MAN2B1: variants seen among roughly 807,000 people sequenced by gnomAD.
MAN2B1 encodes lysosomal alpha-mannosidase.
In MAN2B1, 99 loss-of-function variants were observed where a neutral mutation model predicts 127.5. The ratio of observed to expected loss-of-function variants is 0.78; its 90% CI spans 0.66 to 0.92. MAN2B1 has a LOEUF of 0.92. MAN2B1 is among the 40% of genes least tolerant of loss of function. The pLI is 0.00. For synonymous variants in MAN2B1, 573 were observed against 568.8 expected, an observed-to-expected ratio of 1.01 and a Z score of -0.11; for missense variants, 1,304 against 1,384.8, an observed-to-expected ratio of 0.94 and a Z score of 0.93.
chr19:12,658,239 G>C lies in MAN2B1; in HGVS notation c.1215C>G (p.Ser405Arg). The C allele has an allele frequency of 1.2e-6, 2 of 1,614,118 alleles. No individual in the cohort carries two copies. The highest frequency in any genetic ancestry group is 1.7e-6 in the Non-Finnish European group (2 of 1,180,022). The change falls in exon 9 of 24, where the codon AGC becomes AGG. Residue 405 changes from serine to arginine, a missense_variant. Transcript: ENST00000456935. ...RPALKRYERL[S>R]YNFLQVCNQL... is the part of the protein sequence containing the mutation. ...TCCTACCCACCTGCAGGAAGTTGTAGCTGAGGCGCTCGTAGCGTTTGAGGG... is the reference window on the plus strand; with the variant it reads ...TCCTACCCACCTGCAGGAAGTTGTACCTGAGGCGCTCGTAGCGTTTGAGGG...
At chr19:12,651,389 G>T (rs1270308278) in intron 16 of MAN2B1, among the ~76,000 whole-genome samples, 3 of 152,106 alleles carry the variant, frequency 2.0e-5, no homozygotes, top group Non-Finnish European at 2.9e-5. Flanking sequence ...TGGACCATGA[G>T]GTGGAAACTG....
rs1445197546 is a variant in MAN2B1 at position 12,648,404 on chromosome 19, T to C, written c.2437-2A>G. On this transcript the variant is annotated splice_acceptor_variant, in intron 20 of 23. Transcript: ENST00000456935. LOFTEE classifies it high-confidence loss of function. Reference sequence around the variant, plus strand: ...GTCCTTCAGCAGCCTTCGGTGCACCTGGGGGGAGAGTGGCCAGGAGGGGGT... The same window carrying C: ...GTCCTTCAGCAGCCTTCGGTGCACCCGGGGGGAGAGTGGCCAGGAGGGGGT... 2 of 1,608,284 alleles carry C rather than the reference T, an allele frequency of 1.2e-6. No homozygotes were observed. Among genetic ancestry groups the C allele is most frequent in the South Asian group, 1.1e-5 (1 of 90,866 alleles).
In MAN2B1 at chr19:12,666,707, A is replaced by T; in HGVS notation, c.-6T>A. 1.3e-6 allele frequency: 2 copies of T among 1,548,202 alleles called. No individual in the cohort carries two copies. Among genetic ancestry groups the T allele is most frequent in the Non-Finnish European group, 1.7e-6 (2 of 1,146,494 alleles). ...GCCCGCGCGTAGGCGCCCATGGCTC[A>T]GCAGCTTCCTCCTGGGGTTCCCCGG... On this transcript the variant is annotated 5_prime_UTR_variant, in exon 1 of 24. Transcript: ENST00000456935.
At position 12,663,765 on chromosome 19, in the gene MAN2B1, T is replaced by A; in HGVS notation, c.701A>T (p.Glu234Val). ...QDKWVRMQKL[E>V]MEQVWRASTS... ...GCTGGCCCGCCACACCTGCTCCATC[T>A]CCAGCTTCTGCATCCGTACCCACTT... is the stretch of plus-strand genomic sequence containing the variant. Residue 234 changes from glutamate to valine, a missense_variant, in exon 5 of 24, where the codon GAG becomes GTG. Coordinates refer to ENST00000456935, the MANE Select transcript of MAN2B1 (RefSeq NM_000528.4). The A allele has an allele frequency of 6.2e-7, 1 of 1,614,130 alleles. No homozygotes were observed. Among genetic ancestry groups the A allele is most frequent in the African/African-American group, 1.3e-5 (1 of 75,036 alleles).
Position 12,647,111 on chromosome 19 carries a change from T to A in MAN2B1, c.2923+122A>T. On this transcript the variant is annotated intron_variant, in intron 23 of 23. Transcript: ENST00000456935. This position sits in a 1 kb window ranked among gnomAD's most constrained non-coding sequence, Gnocchi z 4.9. ...TTAAGCCCCTAACCTGGGTCTGGAC[T>A]CTGCCCCATACCCTCATGACCTTTT... 1 of 930,360 alleles carries A rather than the reference T, an allele frequency of 1.1e-6. No homozygotes were observed. The allele number at this position is 930,360 out of a possible 1,614,324, so 57.6% of individuals were successfully genotyped here.
At chr19:12,654,263 C>T (rs1174609536) in intron 14 of MAN2B1, among the ~76,000 whole-genome samples, 8 of 152,030 alleles carry the variant, frequency 5.3e-5, no homozygotes, top group Non-Finnish European at 1.2e-4. Flanking sequence ...AGGATGGTCT[C>T]CATCTCCTGA....
intron 7 of MAN2B1, 90 bp downstream of exon 7, chr19:12,661,170 A>C (rs2024093361): frequency 4.6e-6 from 4 of 878,276 alleles, no homozygotes; most frequent in African/African-American, 1.7e-5. Flanking sequence ...ATAGAAAACA[A>C]AGACAGCACT....
At chr19:12,653,398 C>T (rs1330363925) in intron 14 of MAN2B1, among the ~76,000 whole-genome samples, 1 of 148,008 alleles carries the variant, frequency 6.8e-6, no homozygotes, top group Non-Finnish European at 1.5e-5. Flanking sequence ...ACCCCCCCCT[C>T]AGCCTCCCAA....
In MAN2B1 at chr19:12,657,072, A is replaced by G; in HGVS notation, c.1420-16T>C. 6.6e-7 allele frequency: 1 copy of G among 1,526,316 alleles called. No homozygotes were observed. Among genetic ancestry groups the G allele is most frequent in the Non-Finnish European group, 9.0e-7 (1 of 1,109,940 alleles). The allele number at this position is 1,526,316 out of a possible 1,614,324, so 94.5% of individuals were successfully genotyped here. On this transcript the variant is annotated splice_polypyrimidine_tract_variant and intron_variant, in intron 11 of 23. Transcript: ENST00000456935. ...TCAGAAGAACCTGCGGAAGAGCGCA[A>G]AGGGACCGGTGGGTTCAGGACGCCA...
At chr19:12,664,723 G>A (rs2024184589) in intron 4 of MAN2B1, 69 bp downstream of exon 4, 2 of 1,479,034 alleles carry the variant, frequency 1.4e-6, no homozygotes, top group African/African-American at 1.4e-5. Flanking sequence ...GAGAGGGCGG[G>A]GTTTGACTGG....
At chr19:12,658,957 C>T (rs967661639) in intron 7 of MAN2B1, 15 of 271,582 alleles carry the variant, frequency 5.5e-5, no homozygotes, top group Middle Eastern at 1.4e-3. Context: ...CTTGGGTTCA[C>T]GCCATTCTCC....
Position 12,655,785 on chromosome 19 carries a change from A to G in MAN2B1, c.1739T>C (p.Val580Ala). 1.2e-6 allele frequency: 2 copies of G among 1,610,958 alleles called. No individual in the cohort carries two copies. The highest frequency in any genetic ancestry group is 1.7e-6 in the Non-Finnish European group (2 of 1,177,526). Residue 580 changes from valine to alanine, a missense_variant, in exon 14 of 24, where the codon GTA becomes GCA. Coordinates refer to ENST00000456935, the MANE Select transcript of MAN2B1 (RefSeq NM_000528.4). ...GGGCTTCCAGCGAGGCACCTGGGCTACTGAATAGGTGCTGAAGCCCAGGGC... is the reference window on the plus strand; with the variant it reads ...GGGCTTCCAGCGAGGCACCTGGGCTGCTGAATAGGTGCTGAAGCCCAGGGC... The part of the protein sequence containing the change: ...LPALGFSTYS[V>A]AQVPRWKPQA...
chr19:12,647,549 A>G lies in MAN2B1; in HGVS notation c.2714T>C (p.Leu905Pro). Residue 905 changes from leucine to proline, a missense_variant, in exon 22 of 24, where the codon CTG becomes CCG. Physicochemically the swap from Leu to Pro is moderately conservative, Grantham distance 98 (BLOSUM62 -3). Coordinates refer to ENST00000456935, the MANE Select transcript of MAN2B1 (RefSeq NM_000528.4). This position sits in a 1 kb window ranked among gnomAD's most constrained non-coding sequence, Gnocchi z 4.9. ...CACCATTTCGGGGCCCCAGCTGGCCAGCGTGAGCAGGTGCACCGAGGGCGG... is the reference window on the plus strand; with the variant it reads ...CACCATTTCGGGGCCCCAGCTGGCCGGCGTGAGCAGGTGCACCGAGGGCGG... ...DLPPSVHLLT[L>P]ASWGPEMVLL... 6.2e-7 allele frequency: 1 copy of G among 1,614,144 alleles called. No homozygotes were observed. The highest frequency in any genetic ancestry group is 1.1e-5 in the South Asian group (1 of 91,082).
rs375081677 is a variant in MAN2B1 at position 12,657,435 on chromosome 19, G to T, written c.1419+11C>A. 218 of 1,546,558 alleles carry T rather than the reference G, an allele frequency of 1.4e-4. No homozygotes were observed. The highest frequency in any genetic ancestry group is 1.8e-4 in the Non-Finnish European group (207 of 1,145,546). On this transcript the variant is annotated intron_variant, in intron 11 of 23. Transcript: ENST00000456935. Reference sequence around the variant, plus strand: ...TCCACCCCCGTGTCTCCCAAGTCTCGCCCCGCGCACCTCGCAAGGCCCCCA... The same window carrying T: ...TCCACCCCCGTGTCTCCCAAGTCTCTCCCCGCGCACCTCGCAAGGCCCCCA...
At chr19:12,653,821 T>C (rs1202762868) in intron 14 of MAN2B1, among the ~76,000 whole-genome samples, 1 of 151,264 alleles carries the variant, frequency 6.6e-6, no homozygotes, top group East Asian at 2.0e-4. Context: ...TGGGTTCAAG[T>C]GATTCTCCTG....
In MAN2B1 at chr19:12,658,313, C is replaced by T. The variant is rs2024023250; in HGVS notation, c.1141G>A (p.Ala381Thr). 1 of 1,614,178 alleles carries T rather than the reference C, an allele frequency of 6.2e-7. No individual in the cohort carries two copies. The highest frequency in any genetic ancestry group is 2.2e-5 in the East Asian group (1 of 44,880). Residue 381 changes from alanine to threonine, a missense_variant, in exon 9 of 24, where the codon GCG (alanine) becomes ACG (threonine). Physicochemically the swap from Ala to Thr is moderately conservative, Grantham distance 58 (BLOSUM62 0). Coordinates refer to ENST00000456935, the MANE Select transcript of MAN2B1 (RefSeq NM_000528.4). ...SVKHDDFFPY[A>T]DGPHQFWTGY... ...GTCCAGAACTGGTGGGGGCCATCCG[C>T]GTAAGGGAAGAAGTCGTCATGTTTC...
chr19:12,647,730 C>A lies in MAN2B1; in HGVS notation c.2665-132G>T. On this transcript the variant is annotated intron_variant, in intron 21 of 23. Coordinates refer to ENST00000456935, the MANE Select transcript of MAN2B1 (RefSeq NM_000528.4). The surrounding 1 kb of genome is among the most constrained non-coding windows in gnomAD (Gnocchi z 4.9). ...TCGCCGGAGAGGGGCAAGGCTCAGC[C>A]GAGAGGAGCGGCCAGGGCCGTGACA... 1 of 739,520 alleles carries A rather than the reference C, an allele frequency of 1.4e-6. No individual in the cohort carries two copies. Among genetic ancestry groups the A allele is most frequent in the South Asian group, 1.8e-5 (1 of 55,272 alleles). 45.8% of individuals were successfully genotyped at this position (739,520 alleles called of 1,614,324 possible).
At chr19:12,663,283 T>C in intron 6 of MAN2B1, 34 bp downstream of exon 6, 8 of 1,613,222 alleles carry the variant, frequency 5.0e-6, no homozygotes, top group Middle Eastern at 1.6e-4. Context: ...GTATTGTATA[T>C]ACCGGACTCG....
rs864621993 is a variant in MAN2B1 at position 12,650,129 on chromosome 19, A to G, written c.2140T>C (p.Trp714Arg). Residue 714 changes from tryptophan to arginine, a missense_variant, in exon 17 of 24, where the codon TGG becomes CGG. Trp to Arg is a moderately radical substitution (Grantham distance 101). Transcript: ENST00000456935. Reference sequence around the variant, plus strand: ...CCCACAGGTATCGGCCCCACCGACCACTCTAGCTCCAGGTGCCGCTGTCCT... The same window carrying G: ...CCCACAGGTATCGGCCCCACCGACCGCTCTAGCTCCAGGTGCCGCTGTCCT... ...YPGQRHLELE[W>R]SVGPIPVGDT... is the part of the protein sequence containing the mutation. 4.3e-6 allele frequency: 7 copies of G among 1,613,646 alleles called. No individual in the cohort carries two copies. Among genetic ancestry groups the G allele is most frequent in the Non-Finnish European group, 5.9e-6 (7 of 1,179,952 alleles).
Sources: gnomAD v4.1 joint callset for allele counts (sites outside exome capture counted in the v4.1 genomes callset) on GRCh38, gnomAD v4.1.1 for gene constraint, Gnocchi (gnomAD v3.1) non-coding constraint, MANE v1.5 for transcripts, NCBI Gene and HGNC (gene_info 2026-07-23, HGNC 2026-07-21) for gene names.